Variants in KIF26B observed in about 807,000 individuals in gnomAD.
The protein encoded by KIF26B is kinesin family member 26B.
Under a neutral mutation model 151.2 loss-of-function variants are expected in KIF26B, and 63 were observed. The observed-to-expected ratio is 0.42, with a 90% CI of 0.34 to 0.51. The LOEUF (loss-of-function observed/expected upper bound fraction) is 0.51. Ranked by LOEUF, KIF26B falls within the 20% of genes least tolerant of loss-of-function variation. The probability of loss-of-function intolerance (pLI) is 0.07; values close to 1 mark genes in which losing one functional copy is unlikely to be tolerated. For missense variants in KIF26B, 2,813 were observed against 2,913.6 expected, an observed-to-expected ratio of 0.97 and a Z score of 0.79; for synonymous variants, 1,357 against 1,262.1, an observed-to-expected ratio of 1.08 and a Z score of -1.59.
intron 2 of KIF26B, among the ~76,000 whole-genome samples, chr1:245,228,018 C>A (rs1669911848): frequency 6.6e-6 from 1 of 151,938 alleles, no homozygotes; most frequent in African/African-American, 2.4e-5. Context: ...AAAACAAACA[C>A]ACTGTGGCTA....
chr1:245,234,042 G>A (rs539218677), intron 2 of KIF26B, among the ~76,000 whole-genome samples: 2 of 152,102 alleles, frequency 1.3e-5, no homozygotes, highest in East Asian at 1.9e-4. Flanking sequence ...AAATTAGCTG[G>A]GCATGGTGGC....
chr1:245,671,826 T>C (rs1297624648), intron 10 of KIF26B, among the ~76,000 whole-genome samples: 1 of 152,128 alleles, frequency 6.6e-6, no homozygotes, highest in Admixed American at 6.5e-5. Flanking sequence ...GAAAGGGCAT[T>C]TCTGACTTGA....
At chr1:245,440,416 T>C (rs1006498618) in intron 4 of KIF26B, among the ~76,000 whole-genome samples, 8 of 152,112 alleles carry the variant, frequency 5.3e-5, no homozygotes, top group Non-Finnish European at 8.8e-5. Flanking sequence ...TGGAACTATC[T>C]CTTAAGACGG....
chr1:245,191,243 G>C (rs1669103985), intron 2 of KIF26B, among the ~76,000 whole-genome samples: 1 of 151,790 alleles, frequency 6.6e-6, no homozygotes, highest in Admixed American at 6.6e-5. Context: ...GGGAGGCCGA[G>C]GCGGGCGGAT....
intron 4 of KIF26B, among the ~76,000 whole-genome samples, chr1:245,534,154 G>A (rs1661438415): frequency 6.6e-6 from 1 of 151,802 alleles, no homozygotes; most frequent in East Asian, 1.9e-4. Context: ...TGCTCAGTGT[G>A]GCACCACTTT....
At chr1:245,189,209 A>G (rs1335288199) in intron 2 of KIF26B, among the ~76,000 whole-genome samples, 1 of 152,234 alleles carries the variant, frequency 6.6e-6, no homozygotes, top group African/African-American at 2.4e-5. Context: ...CATGTATTTT[A>G]CCATAATAAA....
chr1:245,688,530 G>GC lies in KIF26B; in HGVS notation c.5550dup (p.Tyr1851LeufsTer138). 1 of 1,529,984 alleles carries GC rather than the reference G, an allele frequency of 6.5e-7. No individual in the cohort carries two copies. The highest frequency in any genetic ancestry group is 8.8e-7 in the Non-Finnish European group (1 of 1,142,148). The allele number at this position is 1,529,984 out of a possible 1,614,324, so 94.8% of individuals were successfully genotyped here. On this transcript the variant is annotated frameshift_variant, in exon 12 of 15. Transcript: ENST00000407071. LOFTEE classifies it high-confidence loss of function. ...CCGCGGCCGCGCACCTGCTCCCGTC[G>GC]CCCTACAGCAAGATCACGCCCCCGC...
chr1:245,366,714 A>G (rs898292274), intron 2 of KIF26B, 120 bp from the exon 3 acceptor site: 14 of 924,116 alleles, frequency 1.5e-5, no homozygotes, highest in Non-Finnish European at 1.6e-6. Context: ...GTGGAATGCC[A>G]ATCAAACTAT....
intron 4 of KIF26B, among the ~76,000 whole-genome samples, chr1:245,504,643 G>T (rs1467100506): frequency 2.0e-5 from 3 of 151,854 alleles, no homozygotes; most frequent in African/African-American, 2.4e-5. Context: ...GTCTCACTAT[G>T]TTGCCCAGGC....
intron 2 of KIF26B, among the ~76,000 whole-genome samples, chr1:245,337,154 ATTTATTTATTTATTT>A (rs1261478682): frequency 2.3e-4 from 21 of 92,932 alleles, no homozygotes; most frequent in African/African-American, 1.5e-3. Context: ...TTATTTATTT[ATTTATTTATTTATTT>A]ATTTATCTAT....
rs917943909 is a variant in KIF26B, at chr1:245,593,950, G to A, written c.1351-8627G>A. Among the ~76,000 whole-genome samples the A allele has an allele frequency of 2.6e-5, 4 of 152,192 alleles. 1 individual carries two copies. Among genetic ancestry groups the A allele is most frequent in the East Asian group, 3.9e-4 (2 of 5,186 alleles). On this transcript the variant is annotated intron_variant, in intron 5 of 14. Transcript: ENST00000407071. ...ATGATGAGCTTTTTTTCATATGTTT[G>A]TTGGCCACATAAATGTTTTCTTTTG...
At chr1:245,684,653 C>T (rs563440330) in intron 11 of KIF26B, among the ~76,000 whole-genome samples, 27 of 152,292 alleles carry the variant, frequency 1.8e-4, no homozygotes, top group African/African-American at 4.1e-4. Flanking sequence ...GCACTTGGTC[C>T]GCTTTAGAGA....
intron 5 of KIF26B, among the ~76,000 whole-genome samples, chr1:245,586,694 T>C (rs559438542): frequency 2.0e-5 from 3 of 151,628 alleles, no homozygotes; most frequent in Admixed American, 6.6e-5. Context: ...CCATCCTGGC[T>C]AACAAGGTGA....
intron 9 of KIF26B, among the ~76,000 whole-genome samples, chr1:245,617,651 G>A (rs973932078): frequency 1.3e-5 from 2 of 152,154 alleles, no homozygotes; most frequent in Non-Finnish European, 2.9e-5. Context: ...GGTCAATAAT[G>A]AAGTGGCAGT....
chr1:245,696,301 A>G (rs1437037381), intron 12 of KIF26B, among the ~76,000 whole-genome samples: 2 of 152,188 alleles, frequency 1.3e-5, no homozygotes, highest in Admixed American at 6.5e-5. Context: ...CCTGTGTAGG[A>G]GAGGCCTGCA....
Position 245,611,909 on chromosome 1 carries a change from C to A in KIF26B, c.2031C>A (p.Arg677=). The A allele has an allele frequency of 6.2e-7, 1 of 1,613,328 alleles. No homozygotes were observed. The highest frequency in any genetic ancestry group is 1.1e-5 in the South Asian group (1 of 91,044). The change falls in exon 9 of 15, where the codon CGC becomes CGA. Residue 677 remains arginine, a synonymous_variant. Coordinates refer to ENST00000407071, the MANE Select transcript of KIF26B (RefSeq NM_018012.4). ...HQQDCDEDDH[R]NSHVFFTLHI... ...AGGACTGTGATGAGGACGACCACCG[C>A]AACTCACACGTGTTCTTCACACTGC...
intron 2 of KIF26B, among the ~76,000 whole-genome samples, chr1:245,357,966 G>A (rs1460069027): frequency 6.6e-6 from 1 of 152,156 alleles, no homozygotes; most frequent in Non-Finnish European, 1.5e-5. Flanking sequence ...GCCCAGATTA[G>A]ATGGCAGTGG....
intron 2 of KIF26B, among the ~76,000 whole-genome samples, chr1:245,257,865 T>C (rs1670566795): frequency 6.6e-6 from 1 of 151,926 alleles, no homozygotes. Context: ...TTACTAAAAA[T>C]ACAAAAAGTA....
intron 9 of KIF26B, among the ~76,000 whole-genome samples, chr1:245,645,910 G>C (rs2043940466): frequency 6.6e-6 from 1 of 152,164 alleles, no homozygotes; most frequent in Admixed American, 6.5e-5. Context: ...GGCTTTAGAA[G>C]GTCAGTGGTG....
Sources: allele counts gnomAD v4.1 joint callset (sites outside exome capture counted in the v4.1 genomes callset), GRCh38; gene constraint gnomAD v4.1.1; transcripts MANE v1.5; gene names NCBI Gene and HGNC (gene_info 2026-07-23, HGNC 2026-07-21).